The following GRM7 variants were observed in gnomAD, a reference collection of about 807,000 sequenced individuals.
The protein encoded by GRM7 is metabotropic glutamate receptor 7.
GRM7 carries 35 observed loss-of-function variants against 84.5 expected under a neutral mutation model. That is an observed-to-expected ratio of 0.41 (90% CI 0.32 to 0.55). The LOEUF (loss-of-function observed/expected upper bound fraction) is 0.55. Ranked by LOEUF, GRM7 falls within the 20% of genes least tolerant of loss-of-function variation. The pLI, the probability that GRM7 is intolerant of heterozygous loss-of-function variation, is 0.19. For synonymous variants in GRM7, 487 were observed against 455.1 expected, an observed-to-expected ratio of 1.07 and a Z score of -0.89; for missense variants, 1,003 against 1,194.6, an observed-to-expected ratio of 0.84 and a Z score of 2.36.
At chr3:6,956,191 G>A (rs186242976) in intron 1 of GRM7, among the ~76,000 whole-genome samples, 2 of 152,150 alleles carry the variant, frequency 1.3e-5, no homozygotes, top group African/African-American at 4.8e-5. Context: ...CAGGGATCAC[G>A]CATGAGTTTT....
At chr3:6,996,420 C>A (rs765075855) in intron 1 of GRM7, among the ~76,000 whole-genome samples, 1 of 152,138 alleles carries the variant, frequency 6.6e-6, no homozygotes, top group Admixed American at 6.5e-5. Flanking sequence ...GTGTTCATAA[C>A]AAACGAACGA....
rs900135698 is a variant in GRM7, at chr3:7,188,373, T to A, written c.736+41705T>A. 9.9e-5 allele frequency among the ~76,000 whole-genome samples: 15 copies of A among 152,176 alleles called. No individual in the cohort carries two copies. The highest frequency in any genetic ancestry group is 3.4e-4 in the African/African-American group (14 of 41,450). On this transcript the variant is annotated intron_variant, in intron 2 of 9. Coordinates refer to ENST00000357716, the MANE Select transcript of GRM7 (RefSeq NM_000844.4). This position sits in a 1 kb window ranked among gnomAD's most constrained non-coding sequence, Gnocchi z 4.2. ...TAAAACTTTAGTCTGACAATAAGAT[T>A]CTAGGTGTTGGCAAACTATAATCTG...
intron 4 of GRM7, among the ~76,000 whole-genome samples, chr3:7,391,683 A>G (rs944094631): frequency 6.6e-6 from 1 of 152,138 alleles, no homozygotes; most frequent in African/African-American, 2.4e-5. Flanking sequence ...CATTGTGCAC[A>G]TGTACCCTAG....
At chr3:7,255,765 G>T (rs139561084) in intron 2 of GRM7, among the ~76,000 whole-genome samples, 177 of 152,198 alleles carry the variant, frequency 1.2e-3, no homozygotes, top group African/African-American at 4.0e-3. Flanking sequence ...TAATTGACAC[G>T]AATTCTATCT....
At chr3:7,193,377 A>C (rs2125107090) in intron 2 of GRM7, among the ~76,000 whole-genome samples, 1 of 152,220 alleles carries the variant, frequency 6.6e-6, no homozygotes. Context: ...ACTTAGGAGT[A>C]ATCAGAATAC....
chr3:7,532,174 G>T (rs138571350), intron 7 of GRM7, among the ~76,000 whole-genome samples: 1 of 152,048 alleles, frequency 6.6e-6, no homozygotes, highest in South Asian at 2.1e-4. Flanking sequence ...CTGTTGTTTG[G>T]AATAGTTTCA....
At chr3:6,958,980 C>T (rs1693184227) in intron 1 of GRM7, among the ~76,000 whole-genome samples, 1 of 152,148 alleles carries the variant, frequency 6.6e-6, no homozygotes, top group African/African-American at 2.4e-5. Context: ...CAAAATGGTA[C>T]TTTAAGGCCA....
At chr3:7,453,637 TC>T (rs1697873040) in intron 6 of GRM7, among the ~76,000 whole-genome samples, 1 of 152,138 alleles carries the variant, frequency 6.6e-6, no homozygotes, top group Non-Finnish European at 1.5e-5. Flanking sequence ...TGTGCTGGCC[TC>T]CCCTGCACAA....
rs1304438630 is a variant in GRM7, at chr3:7,656,541, G to GCA, written c.2452-23507_2452-23506insAC. 2.6e-4 allele frequency among the ~76,000 whole-genome samples: 15 copies of GCA among 58,270 alleles called. No homozygotes were observed. In the East Asian group the frequency reaches 3.1e-3, roughly 12 times the overall value. 38.2% of individuals were successfully genotyped at this position (58,270 alleles called of 152,430 possible). On this transcript the variant is annotated intron_variant, in intron 8 of 9. Coordinates refer to ENST00000357716, the MANE Select transcript of GRM7 (RefSeq NM_000844.4). ...AAAAAAAATATATATATATATATAC[G>GCA]CGCGCGCACACACACACACACACAC...
At chr3:6,953,566 G>A (rs148058931) in intron 1 of GRM7, among the ~76,000 whole-genome samples, 96 of 152,190 alleles carry the variant, frequency 6.3e-4, no homozygotes, top group Middle Eastern at 3.4e-3. Flanking sequence ...ATCCACTCAC[G>A]CTCTTAAGGG....
At chr3:7,434,294 C>T (rs982224392) in intron 5 of GRM7, among the ~76,000 whole-genome samples, 24 of 152,164 alleles carry the variant, frequency 1.6e-4, no homozygotes, top group Admixed American at 1.4e-3. Context: ...TTTTGTCTTG[C>T]TTTATTGCAC....
intron 9 of GRM7, among the ~76,000 whole-genome samples, chr3:7,689,093 C>T (rs1361005414): frequency 6.6e-6 from 1 of 152,176 alleles, no homozygotes; most frequent in African/African-American, 2.4e-5. Context: ...GCATCATCAC[C>T]ATGACTGGGT....
intron 2 of GRM7, among the ~76,000 whole-genome samples, chr3:7,174,995 G>A (rs930927737): frequency 6.6e-6 from 1 of 152,176 alleles, no homozygotes; most frequent in Admixed American, 6.5e-5. Context: ...CCAGCACAAA[G>A]TCAAGAACAT....
chr3:6,897,986 A>G (rs946986407), intron 1 of GRM7, among the ~76,000 whole-genome samples: 7 of 152,178 alleles, frequency 4.6e-5, no homozygotes, highest in Non-Finnish European at 7.3e-5. Flanking sequence ...GAGGAAACCA[A>G]AGGAATAAAC....
intron 1 of GRM7, among the ~76,000 whole-genome samples, chr3:7,039,971 C>CTCGG (rs1696535168): frequency 6.6e-6 from 1 of 152,122 alleles, no homozygotes; most frequent in Non-Finnish European, 1.5e-5. Context: ...ATCTTTTGTA[C>CTCGG]TCGGCACCTA....
At chr3:7,349,537 G>A (rs745537008) in intron 4 of GRM7, among the ~76,000 whole-genome samples, 49 of 152,234 alleles carry the variant, frequency 3.2e-4, no homozygotes, top group Admixed American at 5.2e-4. Flanking sequence ...TTGTGGTGTC[G>A]AAGTAGATAA....
At chr3:7,100,416 G>C (rs1198479614) in intron 1 of GRM7, among the ~76,000 whole-genome samples, 3 of 151,574 alleles carry the variant, frequency 2.0e-5, no homozygotes, top group African/African-American at 7.3e-5. Flanking sequence ...TTCCTCCTCA[G>C]AAAGAAAATG....
intron 8 of GRM7, among the ~76,000 whole-genome samples, chr3:7,635,959 C>T (rs3966943): frequency 0.69 from 104,995 of 152,076 alleles, 36,453 homozygotes; most frequent in South Asian, 0.83. Context: ...TACAGGTGTG[C>T]GCCATTGCAG....
chr3:6,966,242 C>T (rs1693513311), intron 1 of GRM7, among the ~76,000 whole-genome samples: 1 of 152,098 alleles, frequency 6.6e-6, no homozygotes, highest in African/African-American at 2.4e-5. Flanking sequence ...CCTTATCAGA[C>T]CACATAATTA....
Sources: gnomAD v4.1 joint callset for allele counts (sites outside exome capture counted in the v4.1 genomes callset) on GRCh38, gnomAD v4.1.1 for gene constraint, Gnocchi (gnomAD v3.1) non-coding constraint, MANE v1.5 for transcripts, NCBI Gene and HGNC (gene_info 2026-07-23, HGNC 2026-07-21) for gene names.